Variants in MSR1 observed in about 807,000 individuals in gnomAD.
MSR1 encodes the protein macrophage scavenger receptor types I and II.
A neutral mutation model predicts 47.2 loss-of-function variants in MSR1; 53 were observed. The ratio of observed to expected loss-of-function variants is 1.12; its 90% CI spans 0.90 to 1.41. The LOEUF (loss-of-function observed/expected upper bound fraction) is 1.41. Ranked by LOEUF, MSR1 falls within the 40% of genes most tolerant of loss-of-function variation. The probability of loss-of-function intolerance (pLI) is 0.00; values close to 1 mark genes in which losing one functional copy is unlikely to be tolerated. For synonymous variants in MSR1, 239 were observed against 185.6 expected (o/e 1.29, Z -2.34); for missense variants, 786 against 546.9 (o/e 1.44, Z -4.36).
chr8:16,190,704 T>C (rs1802173332), intron 1 of MSR1, among the ~76,000 whole-genome samples: 1 of 150,540 alleles, frequency 6.6e-6, no homozygotes, highest in Non-Finnish European at 1.5e-5. Context: ...TTTTTTATCA[T>C]ATTCTTTCTT....
chr8:16,173,564 G>A (rs752310106), intron 3 of MSR1, among the ~76,000 whole-genome samples: 2 of 152,084 alleles, frequency 1.3e-5, no homozygotes, highest in Non-Finnish European at 2.9e-5. Flanking sequence ...TGTTATGGTT[G>A]GATTTTTGTT....
intron 7 of MSR1, among the ~76,000 whole-genome samples, chr8:16,146,355 C>G (rs1449806478): frequency 2.0e-5 from 3 of 151,872 alleles, no homozygotes; most frequent in African/African-American, 7.3e-5. Context: ...AAGTGGTACT[C>G]AGATCCTTCC....
At chr8:16,189,018 G>C (rs868526610) in intron 1 of MSR1, among the ~76,000 whole-genome samples, 58 of 143,324 alleles carry the variant, frequency 4.0e-4, no homozygotes, top group African/African-American at 1.5e-3. Context: ...ATATATATGT[G>C]TTGAATTATT....
chr8:16,140,669 ACT>A (rs1800531486), intron 8 of MSR1: 1 of 1,268,608 alleles, frequency 7.9e-7, no homozygotes. Context: ...TGGGTTCAAG[ACT>A]CTAGGTCAAT....
chr8:16,123,075 G>A (rs921235893), intron 8 of MSR1, among the ~76,000 whole-genome samples: 2 of 151,940 alleles, frequency 1.3e-5, no homozygotes, highest in Non-Finnish European at 2.9e-5. Flanking sequence ...TGGATTTCCT[G>A]ACCTCGTGAT....
intron 3 of MSR1, among the ~76,000 whole-genome samples, chr8:16,173,815 A>AT (rs1443775565): frequency 6.6e-6 from 1 of 151,772 alleles, no homozygotes; most frequent in Non-Finnish European, 1.5e-5. Flanking sequence ...CTCCTGGCTA[A>AT]TTTTTTTGTA....
intron 3 of MSR1, among the ~76,000 whole-genome samples, chr8:16,173,851 A>G (rs947911486): frequency 1.3e-5 from 2 of 151,976 alleles, no homozygotes; most frequent in Admixed American, 6.6e-5. Flanking sequence ...GGTTTTCACC[A>G]TGTTAGCCAG....
chr8:16,164,014 G>C (rs1330224408), intron 5 of MSR1, 51 bp downstream of exon 5: 1 of 1,382,144 alleles, frequency 7.2e-7, no homozygotes, highest in Non-Finnish European at 1.0e-6. Flanking sequence ...GCATGTATCA[G>C]TATATTTTAA....
chr8:16,154,986 A>T, intron 6 of MSR1, 78 bp downstream of exon 6: 1 of 1,208,552 alleles, frequency 8.3e-7, no homozygotes, highest in Non-Finnish European at 1.2e-6. Flanking sequence ...ATAAAATAGC[A>T]ATCCTCCCCT....
intron 5 of MSR1, among the ~76,000 whole-genome samples, chr8:16,159,840 G>A (rs897163904): frequency 1.3e-5 from 2 of 151,892 alleles, no homozygotes; most frequent in African/African-American, 2.4e-5. Context: ...ACCAGCAAAG[G>A]CTTCATGCAA....
intron 8 of MSR1, among the ~76,000 whole-genome samples, chr8:16,123,287 G>GA (rs1165884045): frequency 2.0e-5 from 3 of 152,118 alleles, no homozygotes; most frequent in Admixed American, 6.5e-5. Context: ...TAATATAGAG[G>GA]AAAGGCGTCT....
chr8:16,127,362 G>A (rs17620694), intron 8 of MSR1, among the ~76,000 whole-genome samples: 6,255 of 152,104 alleles, frequency 0.041, 213 homozygotes, highest in East Asian at 0.13. Flanking sequence ...CTAATACATC[G>A]CCGCCCAATA....
intron 2 of MSR1, among the ~76,000 whole-genome samples, chr8:16,175,592 T>G (rs1801623260): frequency 6.6e-6 from 1 of 152,234 alleles, no homozygotes; most frequent in African/African-American, 2.4e-5. Flanking sequence ...TGGTAAATTT[T>G]AATATCGACA....
intron 9 of MSR1, among the ~76,000 whole-genome samples, chr8:16,111,439 T>C (rs926811949): frequency 1.3e-5 from 2 of 152,174 alleles, no homozygotes; most frequent in African/African-American, 4.8e-5. Context: ...TGCTTTCGAA[T>C]TGTATTTTGT....
intron 8 of MSR1, among the ~76,000 whole-genome samples, chr8:16,141,836 G>A (rs1800565205): frequency 6.6e-6 from 1 of 152,046 alleles, no homozygotes; most frequent in South Asian, 2.1e-4. Flanking sequence ...AAAAAAAATA[G>A]TTTCTTATTT....
Position 16,177,944 on chromosome 8 carries a change from A to T in MSR1, c.45T>A (p.Asp15Glu), listed in dbSNP as rs957926166. 1 of 1,613,952 alleles carries T rather than the reference A, an allele frequency of 6.2e-7. No individual in the cohort carries two copies. The highest frequency in any genetic ancestry group is 8.5e-7 in the Non-Finnish European group (1 of 1,179,906). The change falls in exon 2 of 10, where the codon GAT (aspartate) becomes GAA (glutamate). Residue 15 changes from aspartate to glutamate, a missense_variant. Transcript: ENST00000262101. ...CAAATTTCACAGATTCGGAGCAGCT[A>T]TCAGTGTCCTCCTGTTGATTGTGAA... ...DHFHNQQEDT[D>E]SCSESVKFDA...
intron 3 of MSR1, among the ~76,000 whole-genome samples, chr8:16,169,465 T>C (rs34287339): frequency 0.014 from 2,090 of 152,236 alleles, 55 homozygotes; most frequent in African/African-American, 0.048. Context: ...GGCAAATACA[T>C]TTTTTCACTT....
At chr8:16,139,444 G>T in intron 8 of MSR1, 1 of 971,310 alleles carries the variant, frequency 1.0e-6, no homozygotes, top group Non-Finnish European at 1.2e-6. Flanking sequence ...GAATAAAAAT[G>T]CTGAGATACA....
At chr8:16,151,740 C>G (rs1410238465) in intron 6 of MSR1, among the ~76,000 whole-genome samples, 2 of 152,082 alleles carry the variant, frequency 1.3e-5, no homozygotes, top group South Asian at 2.1e-4. Flanking sequence ...CCAGAGTGAT[C>G]AAATCACTTA....
Sources: gnomAD v4.1 joint callset for allele counts (sites outside exome capture counted in the v4.1 genomes callset) on GRCh38, gnomAD v4.1.1 for gene constraint, MANE v1.5 for transcripts, NCBI Gene and HGNC (gene_info 2026-07-23, HGNC 2026-07-21) for gene names.